Variants in SLC24A2 observed in about 807,000 individuals in gnomAD.
The protein encoded by SLC24A2 is solute carrier family 24 member 2.
Under a neutral mutation model 62.0 loss-of-function variants are expected in SLC24A2, and 36 were observed. That is an observed-to-expected ratio of 0.58 (90% CI 0.44 to 0.77). The LOEUF (loss-of-function observed/expected upper bound fraction) is 0.77. Among genes scored for constraint, SLC24A2 ranks in the 30% least tolerant of loss-of-function variants. The pLI is 0.00. For missense variants in SLC24A2, 846 were observed against 817.9 expected, an observed-to-expected ratio of 1.03 and a Z score of -0.42; for synonymous variants, 358 against 294.0, an observed-to-expected ratio of 1.22 and a Z score of -2.23.
intron 2 of SLC24A2, among the ~76,000 whole-genome samples, chr9:19,696,197 C>A (rs1306466334): frequency 1.3e-5 from 2 of 152,112 alleles, no homozygotes; most frequent in African/African-American, 4.8e-5. Flanking sequence ...TGAGGTGGAA[C>A]AGTTTCATCG....
chr9:19,907,264 C>A, the SLC24A2 span, among the ~76,000 whole-genome samples: 1 of 152,162 alleles, frequency 6.6e-6, no homozygotes, highest in East Asian at 1.9e-4. Flanking sequence ...AGGCCTTTGA[C>A]AAAATTCAGC....
intron 2 of SLC24A2, among the ~76,000 whole-genome samples, chr9:19,636,386 T>TCTTCCTTCCTTCCTTCCTCCCTCC (rs1554690439): frequency 1.3e-4 from 3 of 23,396 alleles, no homozygotes; most frequent in Non-Finnish European, 2.6e-4. Context: ...TTTCTTTCTT[T>TCTTCCTTCCTTCCTTCCTCCCTCC]CTCCCTCTCT....
intron 8 of SLC24A2, among the ~76,000 whole-genome samples, chr9:19,541,492 G>T (rs1294065755): frequency 6.1e-4 from 92 of 149,796 alleles, no homozygotes; most frequent in African/African-American, 1.4e-3. Flanking sequence ...GCCCCTGCTG[G>T]GGGGTGCCTC....
the SLC24A2 span, among the ~76,000 whole-genome samples, chr9:20,235,948 G>C: frequency 1.3e-5 from 2 of 152,042 alleles, no homozygotes; most frequent in African/African-American, 4.8e-5. Context: ...ACAGGAACTG[G>C]GATCCATATA....
chr9:20,115,676 C>T, the SLC24A2 span, among the ~76,000 whole-genome samples: 2 of 152,116 alleles, frequency 1.3e-5, no homozygotes, highest in East Asian at 3.9e-4. Flanking sequence ...AAAGGATCTG[C>T]CGGTGAAGAA....
intron 8 of SLC24A2, among the ~76,000 whole-genome samples, chr9:19,549,182 G>A (rs550786307): frequency 2.0e-5 from 3 of 152,200 alleles, no homozygotes; most frequent in African/African-American, 7.2e-5. Flanking sequence ...GTCGATTAAA[G>A]TAATGATAGT....
In SLC24A2 at chr9:19,523,985, T is replaced by A. The variant is rs186306834; in HGVS notation, c.1570-2925A>T. Reference sequence around the variant, plus strand: ...CTAGTCTTCATAAGCTTGTTTTGAGTACATTTCACTCAAGTTAACTTTTGT... The same window carrying A: ...CTAGTCTTCATAAGCTTGTTTTGAGAACATTTCACTCAAGTTAACTTTTGT... On this transcript the variant is annotated intron_variant, in intron 9 of 10. Transcript: ENST00000341998. Among the ~76,000 whole-genome samples the A allele has an allele frequency of 1.1e-4, 17 of 152,116 alleles. No individual in the cohort carries two copies. The East Asian group carries it at 2.9e-3, about 26-fold the overall frequency.
At chr9:20,023,241 T>TA in the SLC24A2 span, among the ~76,000 whole-genome samples, 3 of 152,232 alleles carry the variant, frequency 2.0e-5, no homozygotes, top group African/African-American at 7.2e-5. Context: ...GACCTGGTGT[T>TA]ACAGTGTTAC....
At chr9:19,981,508 A>T in the SLC24A2 span, among the ~76,000 whole-genome samples, 7 of 152,160 alleles carry the variant, frequency 4.6e-5, no homozygotes, top group Non-Finnish European at 1.0e-4. Context: ...AGTTTTTTTT[A>T]ATTTTTGGAA....
the SLC24A2 span, among the ~76,000 whole-genome samples, chr9:20,054,579 C>G: frequency 2.0e-5 from 3 of 152,254 alleles, no homozygotes; most frequent in East Asian, 1.9e-4. Flanking sequence ...ATACCTCACC[C>G]CCCTCCCATG....
the SLC24A2 span, among the ~76,000 whole-genome samples, chr9:19,951,014 T>A: frequency 3.9e-5 from 6 of 152,194 alleles, no homozygotes; most frequent in Non-Finnish European, 8.8e-5. Context: ...AGAGCTGGGA[T>A]GTTCTCCAGT....
At chr9:19,971,259 C>T in the SLC24A2 span, among the ~76,000 whole-genome samples, 1 of 152,186 alleles carries the variant, frequency 6.6e-6, no homozygotes, top group Admixed American at 6.5e-5. Context: ...CCAAGATCAG[C>T]AAAATCTCCT....
At chr9:19,717,106 C>G (rs1312305903) in intron 2 of SLC24A2, among the ~76,000 whole-genome samples, 1 of 152,092 alleles carries the variant, frequency 6.6e-6, no homozygotes, top group Admixed American at 6.5e-5. Flanking sequence ...AGAGTTCTTC[C>G]CGACATATGA....
chr9:20,037,560 G>T, the SLC24A2 span, among the ~76,000 whole-genome samples: 1 of 152,186 alleles, frequency 6.6e-6, no homozygotes, highest in Non-Finnish European at 1.5e-5. Context: ...TGAGATTACT[G>T]AATTGACAGT....
the SLC24A2 span, among the ~76,000 whole-genome samples, chr9:20,207,261 A>G: frequency 6.6e-6 from 1 of 152,262 alleles, no homozygotes; most frequent in Non-Finnish European, 1.5e-5. Flanking sequence ...AGAGAAAAAC[A>G]TAAAGGAAAG....
intron 2 of SLC24A2, among the ~76,000 whole-genome samples, chr9:19,776,592 G>C (rs995952757): frequency 2.0e-5 from 3 of 152,156 alleles, no homozygotes; most frequent in African/African-American, 7.2e-5. Context: ...AACTTTATAT[G>C]ACTTTTTCCC....
At chr9:20,145,601 A>ATG in the SLC24A2 span, among the ~76,000 whole-genome samples, 914 of 146,126 alleles carry the variant, frequency 6.3e-3, 4 homozygotes, top group Middle Eastern at 0.011. Context: ...CATCACATGT[A>ATG]TGTGTGTGTG....
At chr9:19,920,955 C>T in the SLC24A2 span, among the ~76,000 whole-genome samples, 2 of 151,870 alleles carry the variant, frequency 1.3e-5, no homozygotes, top group African/African-American at 4.8e-5. Flanking sequence ...GTTCCCTCAT[C>T]TATAAAATAA....
the SLC24A2 span, among the ~76,000 whole-genome samples, chr9:20,224,292 A>T: frequency 1.5e-4 from 23 of 152,042 alleles, no homozygotes; most frequent in African/African-American, 4.3e-4. Context: ...CTAGATAAGG[A>T]TTTCTTATCT....
Sources: allele counts gnomAD v4.1 joint callset (sites outside exome capture counted in the v4.1 genomes callset), GRCh38; gene constraint gnomAD v4.1.1; transcripts MANE v1.5; gene names NCBI Gene and HGNC (gene_info 2026-07-23, HGNC 2026-07-21).